Variants in SORBS2 observed in about 807,000 individuals in gnomAD.
The protein encoded by SORBS2 is sorbin and SH3 domain containing 2.
Under a neutral mutation model 97.7 loss-of-function variants are expected in SORBS2, and 46 were observed. The ratio of observed to expected loss-of-function variants is 0.47; its 90% CI spans 0.37 to 0.60. The LOEUF (loss-of-function observed/expected upper bound fraction) is 0.60, where lower values mean the gene tolerates loss of function less well. SORBS2 is among the 20% of genes least tolerant of loss of function. SORBS2 has a pLI of 0.00. For synonymous variants in SORBS2, 476 were observed against 473.4 expected, an observed-to-expected ratio of 1.01 and a Z score of -0.07; for missense variants, 1,316 against 1,282.3, an observed-to-expected ratio of 1.03 and a Z score of -0.40.
At chr4:185,831,564 G>T (rs1189774832) in intron 1 of SORBS2, among the ~76,000 whole-genome samples, 1 of 152,142 alleles carries the variant, frequency 6.6e-6, no homozygotes, top group Non-Finnish European at 1.5e-5. Context: ...AAATCACCTG[G>T]CCAGATCACA....
chr4:185,730,297 G>A (rs1383041015), intron 2 of SORBS2, among the ~76,000 whole-genome samples: 1 of 144,340 alleles, frequency 6.9e-6, no homozygotes, highest in Non-Finnish European at 1.5e-5. Flanking sequence ...TTTTTTAAAG[G>A]TCAATATACT....
intron 4 of SORBS2, among the ~76,000 whole-genome samples, chr4:185,662,612 G>T (rs888445121): frequency 2.0e-5 from 3 of 152,196 alleles, no homozygotes; most frequent in African/African-American, 7.2e-5. Flanking sequence ...AGAACACGGT[G>T]GTGCTGTTCC....
chr4:185,587,598 G>A (rs1413878938), exon 15 of SORBS2: 2 of 1,606,842 alleles, frequency 1.2e-6, no homozygotes, highest in Admixed American at 3.4e-5. Context: ...TGGCTGGCAG[G>A]CGGCCTCTAC....
intron 2 of SORBS2, among the ~76,000 whole-genome samples, chr4:185,741,737 A>G (rs1416714199): frequency 6.6e-6 from 1 of 152,068 alleles, no homozygotes; most frequent in Non-Finnish European, 1.5e-5. Flanking sequence ...TACATAAAAT[A>G]AATTAAAATA....
At chr4:185,716,961 T>C (rs2098470538) in intron 2 of SORBS2, among the ~76,000 whole-genome samples, 1 of 152,172 alleles carries the variant, frequency 6.6e-6, no homozygotes, top group Non-Finnish European at 1.5e-5. Context: ...TGATTACTAG[T>C]GACATTTAAT....
chr4:185,821,778 A>G (rs1173134001), intron 1 of SORBS2, among the ~76,000 whole-genome samples: 1 of 152,232 alleles, frequency 6.6e-6, no homozygotes, highest in Non-Finnish European at 1.5e-5. Flanking sequence ...ATTTTAGAAT[A>G]GGAGCTCTAG....
intron 4 of SORBS2, among the ~76,000 whole-genome samples, chr4:185,641,760 T>TTA (rs2097129958): frequency 7.0e-6 from 1 of 142,382 alleles, no homozygotes; most frequent in South Asian, 2.2e-4. Flanking sequence ...TTCTTTTCAT[T>TTA]AAAAAAAAAA....
intron 1 of SORBS2, among the ~76,000 whole-genome samples, chr4:185,941,272 C>T (rs144120842): frequency 5.4e-4 from 82 of 152,282 alleles, no homozygotes; most frequent in Middle Eastern, 3.4e-3. Flanking sequence ...AAAAGGTTAA[C>T]TGTCTTGCTC....
At chr4:185,944,495 C>T (rs1446367482) in intron 1 of SORBS2, among the ~76,000 whole-genome samples, 4 of 152,136 alleles carry the variant, frequency 2.6e-5, no homozygotes, top group East Asian at 1.9e-4. Flanking sequence ...ACTATAAAGA[C>T]ACAACACATC....
chr4:185,608,698 G>T (rs10009239), intron 12 of SORBS2, among the ~76,000 whole-genome samples: 99 of 151,494 alleles, frequency 6.5e-4, no homozygotes, highest in Non-Finnish European at 1.3e-3. Context: ...ATTGGAATAC[G>T]TTTATCTACC....
intron 2 of SORBS2, among the ~76,000 whole-genome samples, chr4:185,741,404 G>GTTTTTTTTTTTTTTT (rs58376567): frequency 5.4e-5 from 6 of 111,666 alleles, no homozygotes; most frequent in Admixed American, 1.1e-4. Context: ...TTTTTTTTTT[G>GTTTTTTTTTTTTTTT]TTTTTTTTTT....
intron 1 of SORBS2, among the ~76,000 whole-genome samples, chr4:185,808,158 G>T (rs2153664429): frequency 6.6e-6 from 1 of 152,140 alleles, no homozygotes; most frequent in East Asian, 1.9e-4. Flanking sequence ...AAGCTTTAAA[G>T]GACAGCATGA....
At chr4:185,614,943 T>C in exon 11 of SORBS2, 1 of 1,614,226 alleles carries the variant, frequency 6.2e-7, no homozygotes. Context: ...CTGTGCTTTC[T>C]CAGGAGGTGT....
intron 1 of SORBS2, among the ~76,000 whole-genome samples, chr4:185,805,947 G>C (rs1450632408): frequency 2.0e-5 from 3 of 152,176 alleles, no homozygotes; most frequent in Admixed American, 6.5e-5. Flanking sequence ...GGGTGTGAAG[G>C]CATCTTGATA....
chr4:185,902,141 T>G (rs951631647), intron 1 of SORBS2, among the ~76,000 whole-genome samples: 3 of 152,222 alleles, frequency 2.0e-5, no homozygotes, highest in Non-Finnish European at 4.4e-5. Context: ...TTAGTATACT[T>G]CTATCCATTC....
chr4:185,769,560 G>A (rs1181368390), intron 2 of SORBS2, among the ~76,000 whole-genome samples: 2 of 152,218 alleles, frequency 1.3e-5, no homozygotes, highest in East Asian at 1.9e-4. Flanking sequence ...ACACCATCTC[G>A]GCTCACGGCA....
At chr4:185,771,857 A>T (rs961064248) in intron 2 of SORBS2, 1 of 152,206 alleles carries the variant, frequency 6.6e-6, no homozygotes, top group Non-Finnish European at 1.5e-5. Flanking sequence ...TGGGTGGCTT[A>T]GCATTTCATA....
At chr4:185,848,496 C>CAAATTTATG (rs1179893388) in intron 1 of SORBS2, among the ~76,000 whole-genome samples, 2 of 151,698 alleles carry the variant, frequency 1.3e-5, no homozygotes, top group African/African-American at 4.9e-5. Context: ...CAAATGGATG[C>CAAATTTATG]AAATTTATGA....
intron 12 of SORBS2, among the ~76,000 whole-genome samples, chr4:185,600,704 G>A (rs943410817): frequency 6.6e-6 from 1 of 152,142 alleles, no homozygotes; most frequent in Non-Finnish European, 1.5e-5. Context: ...AACCTGCCCT[G>A]CTTTTTCATC....
Sources: allele counts gnomAD v4.1 joint callset (sites outside exome capture counted in the v4.1 genomes callset), GRCh38; gene constraint gnomAD v4.1.1; transcripts MANE v1.5; gene names NCBI Gene and HGNC (gene_info 2026-07-23, HGNC 2026-07-21).